The following CCL28 variants were observed in gnomAD, a reference collection of about 807,000 sequenced individuals.
The protein encoded by CCL28 is C-C motif chemokine ligand 28, also known as C-C motif chemokine 28.
Under a neutral mutation model 7.1 loss-of-function variants are expected in CCL28, and 4 were observed. The observed-to-expected ratio is 0.56, with a 90% confidence interval of 0.28 to 1.29. The LOEUF (loss-of-function observed/expected upper bound fraction) is 1.29. Ranked by LOEUF, CCL28 falls within the 50% of genes most tolerant of loss-of-function variation. The pLI, the probability that CCL28 is intolerant of heterozygous loss-of-function variation, is 0.11. For missense variants in CCL28, 151 were observed against 163.4 expected (o/e 0.92, Z 0.41); for synonymous variants, 55 against 57.8 (o/e 0.95, Z 0.22).
chr5:43,403,635 C>T (rs1028595478), intron 1 of CCL28, among the ~76,000 whole-genome samples: 5 of 152,168 alleles, frequency 3.3e-5, no homozygotes, highest in African/African-American at 1.2e-4. Flanking sequence ...AGCTCCTCAC[C>T]AGCAATGGAA....
chr5:43,395,708 G>A (rs1579738128), intron 1 of CCL28, among the ~76,000 whole-genome samples: 1 of 152,098 alleles, frequency 6.6e-6, no homozygotes, highest in African/African-American at 2.4e-5. Context: ...GCAGTGCAAA[G>A]TGAAAGCAAG....
intron 1 of CCL28, among the ~76,000 whole-genome samples, chr5:43,391,215 A>G (rs1317788086): frequency 6.6e-6 from 1 of 152,182 alleles, no homozygotes; most frequent in Non-Finnish European, 1.5e-5. Flanking sequence ...TGAAAATGTG[A>G]AAAATGGATA....
At chr5:43,375,163 G>T (rs1022931652), downstream of CCL28, among the ~76,000 whole-genome samples, 1 of 151,520 alleles carries the variant, frequency 6.6e-6, no homozygotes, top group Non-Finnish European at 1.5e-5. Flanking sequence ...CTAATTTTTT[G>T]TATTTTTAGT....
At chr5:43,369,297 A>G in the CCL28 span, among the ~76,000 whole-genome samples, 1 of 152,218 alleles carries the variant, frequency 6.6e-6, no homozygotes, top group Non-Finnish European at 1.5e-5. Context: ...GTTAATTTCT[A>G]GTATACCTAA....
intron 2 of CCL28, among the ~76,000 whole-genome samples, chr5:43,387,389 C>T (rs1740383330): frequency 6.6e-6 from 1 of 152,112 alleles, no homozygotes; most frequent in East Asian, 1.9e-4. Context: ...TACTAAATAC[C>T]AATGCAGTTC....
intron 1 of CCL28, among the ~76,000 whole-genome samples, chr5:43,395,985 C>T (rs906500300): frequency 4.6e-5 from 7 of 151,486 alleles, no homozygotes; most frequent in African/African-American, 1.7e-4. Flanking sequence ...CATTCTCCTG[C>T]CTCAGCCTCC....
At chr5:43,408,905 T>TC (rs984164672) in intron 1 of CCL28, among the ~76,000 whole-genome samples, 14 of 151,604 alleles carry the variant, frequency 9.2e-5, no homozygotes, top group Non-Finnish European at 2.9e-5. Context: ...TTTTTTTTTT[T>TC]TTGAAATGAG....
chr5:43,410,350 G>C (rs567637125), intron 1 of CCL28, among the ~76,000 whole-genome samples: 1 of 152,302 alleles, frequency 6.6e-6, no homozygotes, highest in East Asian at 1.9e-4. Context: ...AGGCCTACTT[G>C]TGTATTTTTA....
chr5:43,393,066 A>G (rs1373686936), intron 1 of CCL28, among the ~76,000 whole-genome samples: 3 of 152,216 alleles, frequency 2.0e-5, no homozygotes, highest in Non-Finnish European at 2.9e-5. Flanking sequence ...TGAGTCAGAA[A>G]AAAAGTTTTT....
chr5:43,398,348 C>T (rs10062031), intron 1 of CCL28, among the ~76,000 whole-genome samples: 8,536 of 152,160 alleles, frequency 0.056, 520 homozygotes, highest in African/African-American at 0.16. Flanking sequence ...CTCAGCCTCC[C>T]GTGTTGCTGG....
At chr5:43,407,668 G>C (rs1193932571) in intron 1 of CCL28, among the ~76,000 whole-genome samples, 1 of 152,128 alleles carries the variant, frequency 6.6e-6, no homozygotes, top group African/African-American at 2.4e-5. Flanking sequence ...CAAAGAACTT[G>C]TGCACAGCAA....
chr5:43,402,752 C>T lies in CCL28; in HGVS notation c.64+9501G>A, dbSNP rs529453390. Among the ~76,000 whole-genome samples, 70 of 152,322 alleles carry T rather than the reference C, an allele frequency of 4.6e-4. 1 individual carries two copies. The highest frequency in any genetic ancestry group is 1.6e-3 in the African/African-American group (68 of 41,566). Reference sequence around the variant, plus strand: ...GAAGTGCAAGGGGTCGGGGAATTCCCTTTCCTAGCCAAGGGAAGCCGTGAC... The same window carrying T: ...GAAGTGCAAGGGGTCGGGGAATTCCTTTTCCTAGCCAAGGGAAGCCGTGAC... On this transcript the variant is annotated intron_variant, in intron 1 of 2. Coordinates refer to ENST00000361115, the MANE Select transcript of CCL28 (RefSeq NM_148672.3).
chr5:43,408,004 G>A (rs1027322967), intron 1 of CCL28, among the ~76,000 whole-genome samples: 7 of 152,300 alleles, frequency 4.6e-5, no homozygotes, highest in Admixed American at 1.3e-4. Context: ...GTGCTGGAGA[G>A]GATGTGGAGA....
chr5:43,371,149 G>T, the CCL28 span, among the ~76,000 whole-genome samples: 1 of 152,080 alleles, frequency 6.6e-6, no homozygotes, highest in Non-Finnish European at 1.5e-5. Context: ...TAATTTAGTT[G>T]TATAACTACA....
intron 1 of CCL28, among the ~76,000 whole-genome samples, chr5:43,405,727 C>A (rs1336928603): frequency 2.0e-5 from 3 of 151,972 alleles, no homozygotes; most frequent in Admixed American, 1.3e-4. Flanking sequence ...TTGAAAAGAT[C>A]AACAAAATTG....
At chr5:43,403,540 C>G (rs1373021344) in intron 1 of CCL28, among the ~76,000 whole-genome samples, 1 of 152,116 alleles carries the variant, frequency 6.6e-6, no homozygotes, top group Non-Finnish European at 1.5e-5. Context: ...CAAAGGTAGA[C>G]AAAACCACAA....
At chr5:43,362,395 A>G in the CCL28 span, among the ~76,000 whole-genome samples, 1 of 152,130 alleles carries the variant, frequency 6.6e-6, no homozygotes, top group Non-Finnish European at 1.5e-5. Flanking sequence ...GGCCAAGACT[A>G]TGGGGTTTTC....
intron 1 of CCL28, among the ~76,000 whole-genome samples, chr5:43,405,596 C>T (rs1344664018): frequency 6.6e-6 from 1 of 152,020 alleles, no homozygotes; most frequent in African/African-American, 2.4e-5. Flanking sequence ...ACTAGAGAAG[C>T]AAGAGCAAAC....
chr5:43,375,030 C>A (rs1277200934), downstream of CCL28, among the ~76,000 whole-genome samples: 1 of 151,886 alleles, frequency 6.6e-6, no homozygotes, highest in Non-Finnish European at 1.5e-5. Flanking sequence ...CACTCTATTG[C>A]CCAGGCTGGA....
Sources: allele counts gnomAD v4.1 joint callset (sites outside exome capture counted in the v4.1 genomes callset), GRCh38; gene constraint gnomAD v4.1.1; transcripts MANE v1.5; gene names NCBI Gene and HGNC (gene_info 2026-07-23, HGNC 2026-07-21).